SPATS2: variants seen among roughly 807,000 people sequenced by gnomAD.
The protein encoded by SPATS2 is spermatogenesis-associated serine-rich protein 2.
A neutral mutation model predicts 63.7 loss-of-function variants in SPATS2; 38 were observed. That is an observed-to-expected ratio of 0.60 (90% CI 0.46 to 0.78). The LOEUF is 0.78. Among genes scored for constraint, SPATS2 ranks in the 30% least tolerant of loss-of-function variants. SPATS2 has a pLI of 0.00. For missense variants in SPATS2, 588 were observed against 666.2 expected, an observed-to-expected ratio of 0.88 and a Z score of 1.29; for synonymous variants, 207 against 232.9, an observed-to-expected ratio of 0.89 and a Z score of 1.01.
In SPATS2 at chr12:49,496,926, A is replaced by G. The variant is rs893927708; in HGVS notation, c.620A>G (p.Lys207Arg). 3.1e-6 allele frequency: 5 copies of G among 1,612,754 alleles called. No individual in the cohort carries two copies. Among genetic ancestry groups the G allele is most frequent in the South Asian group, 1.1e-5 (1 of 90,724 alleles). Residue 207 changes from lysine (K) to arginine (R), a missense_variant, in exon 8 of 14, where the codon AAA (lysine) becomes AGA (arginine). By Grantham distance (26) the Lys-to-Arg change is conservative. Transcript: ENST00000552918. The part of the protein sequence containing the change: ...HNSQQPRNAA[K>R]SLSRPTTETQ... ...TCTCAACAACCCAGGAATGCTGCCA[A>G]ATCTCTCTCAAGACCTACCACAGAA...
intron 2 of SPATS2, among the ~76,000 whole-genome samples, chr12:49,446,156 G>A (rs1945507670): frequency 6.6e-6 from 1 of 152,074 alleles, no homozygotes; most frequent in African/African-American, 2.4e-5. Flanking sequence ...TGCCCGCCTT[G>A]ACCTCCCAAA....
chr12:49,382,463 C>G (rs1481450339), intron 2 of SPATS2, among the ~76,000 whole-genome samples: 2 of 152,120 alleles, frequency 1.3e-5, no homozygotes, highest in Non-Finnish European at 2.9e-5. Flanking sequence ...GCTTATTCAT[C>G]TTATCTTTTA....
At position 49,526,279 on chromosome 12, in the gene SPATS2, C is replaced by T. The variant is rs1203675898; in HGVS notation, c.*24C>T. ...GAGAGAAAATCCAGTTGGCCTCTCT[C>T]CTCTATCCACACAATTCAACTTGAT... On this transcript the variant is annotated 3_prime_UTR_variant, in exon 14 of 14. Coordinates refer to ENST00000552918, the MANE Select transcript of SPATS2 (RefSeq NM_023071.4). 1.3e-6 allele frequency: 2 copies of T among 1,571,508 alleles called. No individual in the cohort carries two copies. Among genetic ancestry groups the T allele is most frequent in the South Asian group, 2.4e-5 (2 of 83,794 alleles).
chr12:49,428,146 T>G (rs60418472), intron 2 of SPATS2, among the ~76,000 whole-genome samples: 6,821 of 152,046 alleles, frequency 0.045, 344 homozygotes, highest in African/African-American at 0.12. Flanking sequence ...TCCCAGCTAC[T>G]TGGGAGGCTG....
At position 49,524,781 on chromosome 12, in the gene SPATS2, C is replaced by A; in HGVS notation, c.1211C>A (p.Ser404Tyr). Reference sequence around the variant, plus strand: ...AGTGATGCCTCTGCTGCTTCCTCTTCCACCTGTGCCTCTCCTCCCAGCCTT... The same window carrying A: ...AGTGATGCCTCTGCTGCTTCCTCTTACACCTGTGCCTCTCCTCCCAGCCTT... The part of the protein sequence containing the change: ...SPSDASAASS[S>Y]TCASPPSLTS... The change falls in exon 13 of 14, where the codon TCC becomes TAC. Residue 404 changes from serine (S) to tyrosine (Y), a missense_variant. Ser to Tyr is a moderately radical substitution (Grantham distance 144). Transcript: ENST00000552918. 3 of 1,614,210 alleles carry A rather than the reference C, an allele frequency of 1.9e-6. No individual in the cohort carries two copies. Among genetic ancestry groups the A allele is most frequent in the Non-Finnish European group, 1.7e-6 (2 of 1,180,036 alleles).
chr12:49,390,183 G>A lies in SPATS2; in HGVS notation c.-244+18893G>A. 8 of 1,432,498 alleles carry A rather than the reference G, an allele frequency of 5.6e-6. No individual in the cohort carries two copies. The South Asian group carries it at 9.8e-5, about 17-fold the overall frequency. 88.7% of individuals were successfully genotyped at this position (1,432,498 alleles called of 1,614,324 possible). On this transcript the variant is annotated intron_variant, in intron 2 of 13. Coordinates refer to ENST00000552918, the MANE Select transcript of SPATS2 (RefSeq NM_023071.4). ...AGAGCTGAAGAGCTTCTGAGTCTGT[G>A]AGCTTCTTACATGGCTCCCAGTGGT...
At chr12:49,410,974 G>A (rs1156364673) in intron 2 of SPATS2, among the ~76,000 whole-genome samples, 1 of 151,866 alleles carries the variant, frequency 6.6e-6, no homozygotes, top group African/African-American at 2.4e-5. Flanking sequence ...GGAGGAATTA[G>A]GTAGTTGTGG....
intron 6 of SPATS2, among the ~76,000 whole-genome samples, chr12:49,491,776 G>T (rs781526613): frequency 6.6e-6 from 1 of 152,068 alleles, no homozygotes; most frequent in Non-Finnish European, 1.5e-5. Context: ...ATTAGTTCTC[G>T]TTCCTTTCTC....
intron 3 of SPATS2, among the ~76,000 whole-genome samples, chr12:49,475,534 T>C (rs1441602364): frequency 1.3e-5 from 2 of 152,100 alleles, no homozygotes; most frequent in Non-Finnish European, 2.9e-5. Context: ...TCCGCCTCCC[T>C]GGTTCAAGCA....
rs1026185551 is a variant in SPATS2, at chr12:49,382,765, C to T, written c.-244+11475C>T. 2.1e-4 allele frequency among the ~76,000 whole-genome samples: 32 copies of T among 152,256 alleles called. 1 individual carries two copies. The highest frequency in any genetic ancestry group is 3.4e-4 in the Non-Finnish European group (23 of 68,018). On this transcript the variant is annotated intron_variant, in intron 2 of 13. Coordinates refer to ENST00000552918, the MANE Select transcript of SPATS2 (RefSeq NM_023071.4). ...TGTTGCCCAGGCTGGAGTGCAATGG[C>T]GCTATCTCTGCTCACTACAACCTGT...
At position 49,526,451 on chromosome 12, in the gene SPATS2, T is replaced by C; in HGVS notation, c.*196T>C. On this transcript the variant is annotated 3_prime_UTR_variant, in exon 14 of 14. Transcript: ENST00000552918. The stretch of plus-strand genomic sequence containing the variant: ...TGGAGGGGAAGCTATTTTTTTTCCT[T>C]GATCTTTCCCAGTGATATGGATTGA... The C allele has an allele frequency of 1.5e-6, 1 of 681,118 alleles. No homozygotes were observed. The highest frequency in any genetic ancestry group is 2.1e-5 in the South Asian group (1 of 47,780). 42.2% of individuals were successfully genotyped at this position (681,118 alleles called of 1,614,324 possible). A position where few individuals can be genotyped will look rare whatever the true frequency, so the allele number is the denominator to read the frequency against.
At chr12:49,525,858 T>C (rs1183408200) in intron 13 of SPATS2, 86 bp from the exon 14 acceptor site, 1 of 1,435,626 alleles carries the variant, frequency 7.0e-7, no homozygotes, top group Non-Finnish European at 9.4e-7. Flanking sequence ...ATACCACAAT[T>C]CTGCTTTCAG....
intron 1 of SPATS2, among the ~76,000 whole-genome samples, chr12:49,368,856 A>C (rs1943949425): frequency 6.6e-6 from 1 of 152,134 alleles, no homozygotes; most frequent in Non-Finnish European, 1.5e-5. Context: ...GACTCATCTA[A>C]GATTTATGGA....
At chr12:49,481,220 C>T (rs1424910876) in intron 3 of SPATS2, among the ~76,000 whole-genome samples, 13 of 152,132 alleles carry the variant, frequency 8.5e-5, no homozygotes, top group East Asian at 1.9e-4. Flanking sequence ...ATTAGCCAGG[C>T]GTGGTAGCGC....
At chr12:49,385,418 G>A (rs1944297986) in intron 2 of SPATS2, among the ~76,000 whole-genome samples, 1 of 151,704 alleles carries the variant, frequency 6.6e-6, no homozygotes, top group Non-Finnish European at 1.5e-5. Context: ...GACAGAGACA[G>A]ATTCAGATGT....
At chr12:49,367,624 G>A (rs1943921988) in intron 1 of SPATS2, 37 bp downstream of exon 1, 1 of 382,352 alleles carries the variant, frequency 2.6e-6, no homozygotes, top group African/African-American at 2.1e-5. Flanking sequence ...GGTTGGCGGG[G>A]GCTCAGAGGG....
chr12:49,407,881 A>T (rs981180015), intron 2 of SPATS2, among the ~76,000 whole-genome samples: 1 of 152,202 alleles, frequency 6.6e-6, no homozygotes, highest in African/African-American at 2.4e-5. Flanking sequence ...CAGCTTTTGC[A>T]CCGCCAACAG....
intron 2 of SPATS2, among the ~76,000 whole-genome samples, chr12:49,430,145 G>T (rs1945158816): frequency 7.7e-6 from 1 of 129,348 alleles, no homozygotes; most frequent in South Asian, 2.4e-4. Context: ...CTGTCCCCCA[G>T]CCTGGAGTGC....
chr12:49,490,890 C>T, intron 6 of SPATS2, 159 bp downstream of exon 6: 2 of 636,284 alleles, frequency 3.1e-6, no homozygotes, highest in Non-Finnish European at 5.3e-6. Flanking sequence ...ACCTGTAATC[C>T]CAGCACTTTA....
Sources: gnomAD v4.1 joint callset for allele counts (sites outside exome capture counted in the v4.1 genomes callset) on GRCh38, gnomAD v4.1.1 for gene constraint, MANE v1.5 for transcripts, NCBI Gene and HGNC (gene_info 2026-07-23, HGNC 2026-07-21) for gene names.